Variants in WDR20 observed in about 807,000 individuals in gnomAD.
WDR20 encodes the protein WD repeat domain 20.
A neutral mutation model predicts 38.7 loss-of-function variants in WDR20; 3 were observed. The ratio of observed to expected loss-of-function variants is 0.08; its 90% CI spans 0.04 to 0.20. WDR20 has a LOEUF of 0.20. WDR20 is among the 10% of genes least tolerant of loss of function. WDR20 has a pLI of 1.00. For missense variants in WDR20, 559 were observed against 727.7 expected, an observed-to-expected ratio of 0.77 and a Z score of 2.67; for synonymous variants, 298 against 285.6, an observed-to-expected ratio of 1.04 and a Z score of -0.44.
At chr14:102,157,567 C>T (rs1245963413) in intron 1 of WDR20, among the ~76,000 whole-genome samples, 1 of 152,176 alleles carries the variant, frequency 6.6e-6, no homozygotes, top group East Asian at 1.9e-4. Context: ...ACAAGGTGGA[C>T]TCTGTTCCAT....
intron 1 of WDR20, among the ~76,000 whole-genome samples, chr14:102,143,503 C>T (rs1253767708): frequency 6.6e-6 from 1 of 152,016 alleles, no homozygotes; most frequent in African/African-American, 2.4e-5. Flanking sequence ...AAATAAGACC[C>T]TGTCCCTCTC....
At position 102,208,236 on chromosome 14, in the gene WDR20, G is replaced by A. The variant is rs912603108; in HGVS notation, c.433-367G>A. 6.6e-6 allele frequency among the ~76,000 whole-genome samples: 1 copy of A among 152,224 alleles called. No individual in the cohort carries two copies. Among genetic ancestry groups the A allele is most frequent in the Admixed American group, 6.5e-5 (1 of 15,288 alleles). On this transcript the variant is annotated intron_variant, in intron 2 of 2. Coordinates refer to ENST00000342702, the MANE Select transcript of WDR20 (RefSeq NM_144574.4). This position sits in a 1 kb window ranked among gnomAD's most constrained non-coding sequence, Gnocchi z 5.6. ...CGTAGAGGGGATACCACATGCAGAT[G>A]CAGTGACCCCCAGATTCAGATGCAC...
chr14:102,167,129 C>T (rs956826324), intron 1 of WDR20, among the ~76,000 whole-genome samples: 1 of 152,210 alleles, frequency 6.6e-6, no homozygotes, highest in African/African-American at 2.4e-5. Context: ...AGTCACTCTT[C>T]CCTTCATTAT....
chr14:102,176,311 C>T (rs1419220064), intron 1 of WDR20, among the ~76,000 whole-genome samples: 2 of 151,990 alleles, frequency 1.3e-5, no homozygotes, highest in Non-Finnish European at 2.9e-5. Context: ...AGGAGAATCG[C>T]TTGAACCCAG....
At chr14:102,191,903 T>C (rs1466255846) in intron 1 of WDR20, among the ~76,000 whole-genome samples, 1 of 152,214 alleles carries the variant, frequency 6.6e-6, no homozygotes, top group Non-Finnish European at 1.5e-5. Flanking sequence ...ATTGATACTT[T>C]TGTAAAATAA....
intron 1 of WDR20, among the ~76,000 whole-genome samples, chr14:102,154,909 G>A (rs1261947964): frequency 6.6e-6 from 1 of 152,116 alleles, no homozygotes; most frequent in Non-Finnish European, 1.5e-5. Context: ...AAGAAGAAAT[G>A]GATTCAAGGA....
chr14:102,170,020 T>C (rs1348453284), intron 1 of WDR20, among the ~76,000 whole-genome samples: 1 of 152,232 alleles, frequency 6.6e-6, no homozygotes, highest in Admixed American at 6.5e-5. Context: ...TATTAAGTTC[T>C]TGTATGTATT....
chr14:102,213,952 G>A (rs918873078), downstream of WDR20: 7 of 985,338 alleles, frequency 7.1e-6, no homozygotes, highest in African/African-American at 8.7e-5. Context: ...TCTGGGGAAC[G>A]ATTCATGGAA....
At chr14:102,168,235 T>A (rs1389637360) in intron 1 of WDR20, among the ~76,000 whole-genome samples, 1 of 152,204 alleles carries the variant, frequency 6.6e-6, no homozygotes, top group Admixed American at 6.5e-5. Flanking sequence ...CTGTTAATCA[T>A]TCAAATCACT....
intron 1 of WDR20, among the ~76,000 whole-genome samples, chr14:102,193,729 G>T (rs1365719125): frequency 2.0e-5 from 3 of 152,194 alleles, no homozygotes; most frequent in Non-Finnish European, 2.9e-5. Context: ...GATGTCACAG[G>T]CCTCTTTGGA....
At chr14:102,142,390 C>A (rs2051595964) in intron 1 of WDR20, among the ~76,000 whole-genome samples, 1 of 152,084 alleles carries the variant, frequency 6.6e-6, no homozygotes, top group East Asian at 1.9e-4. Flanking sequence ...AATTGGAAAA[C>A]CAAAATTTAC....
At chr14:102,166,212 C>T (rs2059754681) in intron 1 of WDR20, among the ~76,000 whole-genome samples, 1 of 151,680 alleles carries the variant, frequency 6.6e-6, no homozygotes, top group African/African-American at 2.4e-5. Flanking sequence ...CTCCTGAGCT[C>T]AAGCGATCTG....
At chr14:102,154,149 C>G (rs2056824557) in intron 1 of WDR20, among the ~76,000 whole-genome samples, 1 of 152,194 alleles carries the variant, frequency 6.6e-6, no homozygotes, top group Non-Finnish European at 1.5e-5. Flanking sequence ...TGTTACAGAG[C>G]AAGACCCTGT....
chr14:102,170,694 A>G (rs1216928883), intron 1 of WDR20, among the ~76,000 whole-genome samples: 1 of 151,380 alleles, frequency 6.6e-6, no homozygotes, highest in Non-Finnish European at 1.5e-5. Context: ...AAATTTTTTT[A>G]GAGATGGGAT....
At chr14:102,181,530 A>C (rs1425101216) in intron 1 of WDR20, among the ~76,000 whole-genome samples, 2 of 151,652 alleles carry the variant, frequency 1.3e-5, no homozygotes, top group African/African-American at 2.4e-5. Context: ...TTAAAGTGCC[A>C]CTCCAGCTTT....
chr14:102,148,669 T>TAGTGTGTG (rs2054563368), intron 1 of WDR20, among the ~76,000 whole-genome samples: 1 of 144,836 alleles, frequency 6.9e-6, no homozygotes, highest in African/African-American at 2.6e-5. Context: ...GAGTTTGGCT[T>TAGTGTGTG]TGTGTGTGTG....
rs1433747326 is a variant in WDR20 at position 102,209,331 on chromosome 14, C to A, written c.1161C>A (p.Ile387=). Residue 387 remains isoleucine (I), a synonymous_variant, in exon 3 of 3, where the codon ATC becomes ATA. Coordinates refer to ENST00000342702, the MANE Select transcript of WDR20 (RefSeq NM_144574.4). The surrounding 1 kb of genome is among the most constrained non-coding windows in gnomAD (Gnocchi z 6.0). The part of the protein sequence containing the change: ...QLCLWDLTED[I]LFPHQPLSRA... ...GTTTATGGGACCTTACAGAAGATAT[C>A]CTTTTCCCTCACCAACCCCTCTCAA... is the stretch of plus-strand genomic sequence containing the variant. 1 of 1,614,034 alleles carries A rather than the reference C, an allele frequency of 6.2e-7. No individual in the cohort carries two copies. Among genetic ancestry groups the A allele is most frequent in the African/African-American group, 1.3e-5 (1 of 74,906 alleles).
chr14:102,219,412 C>T (rs1001323534), downstream of WDR20, among the ~76,000 whole-genome samples: 2 of 152,258 alleles, frequency 1.3e-5, no homozygotes, highest in Non-Finnish European at 2.9e-5. Flanking sequence ...TGTCGCACCC[C>T]CTGCTTCTGG....
intron 2 of WDR20, chr14:102,198,576 A>T (rs2059796570): frequency 6.5e-6 from 1 of 154,196 alleles, no homozygotes; most frequent in African/African-American, 2.4e-5. Context: ...CCTTGAGCCC[A>T]AGGAAACTGA....
Sources: gnomAD v4.1 joint callset for allele counts (sites outside exome capture counted in the v4.1 genomes callset) on GRCh38, gnomAD v4.1.1 for gene constraint, Gnocchi (gnomAD v3.1) non-coding constraint, MANE v1.5 for transcripts, NCBI Gene and HGNC (gene_info 2026-07-23, HGNC 2026-07-21) for gene names.